MCTP2: variants seen among roughly 807,000 people sequenced by gnomAD.
MCTP2 encodes the protein multiple C2 and transmembrane domain-containing protein 2.
A neutral mutation model predicts 111.6 loss-of-function variants in MCTP2; 132 were observed. The observed-to-expected ratio is 1.18, with a 90% CI of 1.03 to 1.37. The LOEUF is 1.37. MCTP2 is among the 40% of genes most tolerant of loss of function. MCTP2 has a pLI of 0.00. For synonymous variants in MCTP2, 395 were observed against 387.7 expected (o/e 1.02, Z -0.22); for missense variants, 1,183 against 1,067.9 (o/e 1.11, Z -1.50).
At chr15:94,297,239 T>A (rs1006464468) in intron 1 of MCTP2, among the ~76,000 whole-genome samples, 2 of 152,210 alleles carry the variant, frequency 1.3e-5, no homozygotes, top group Admixed American at 1.3e-4. Flanking sequence ...CGTGATGAGT[T>A]CAACCTGTTA....
chr15:94,303,695 G>A (rs1232016278), intron 2 of MCTP2, among the ~76,000 whole-genome samples: 1 of 152,190 alleles, frequency 6.6e-6, no homozygotes, highest in South Asian at 2.1e-4. Context: ...AATTATGGGA[G>A]CTACAAGATG....
Position 94,275,875 on chromosome 15 carries a change from T to A in MCTP2, c.-65-22326T>A, listed in dbSNP as rs139416114. On this transcript the variant is annotated intron_variant, in intron 1 of 22. Coordinates refer to ENST00000357742, the MANE Select transcript of MCTP2 (RefSeq NM_001385001.1). ...TTTTTTTTTTTTTTGAGAGATGGAG[T>A]CTCGCTCTGTTTCCCAGGCTGGAGT... Among the ~76,000 whole-genome samples the A allele has an allele frequency of 6.8e-3, 960 of 141,924 alleles. 12 individuals carry two copies. The highest frequency in any genetic ancestry group is 0.024 in the African/African-American group (904 of 37,228). The allele number at this position is 141,924 out of a possible 152,430, so 93.1% of individuals were successfully genotyped here.
At position 94,340,699 on chromosome 15, in the gene MCTP2, C is replaced by T. The variant is rs997787219; in HGVS notation, c.858-114C>T. ...ACTAAATTTTGTGCTTTCTTAACAT[C>T]ATGTCTAATCCTTATTCAGAGGTAG... On this transcript the variant is annotated intron_variant, in intron 6 of 22. Transcript: ENST00000357742. The T allele has an allele frequency of 8.3e-6, 5 of 605,948 alleles. 1 individual carries two copies. The Admixed American group carries it at 9.8e-5, about 12-fold the overall frequency. The allele number at this position is 605,948 out of a possible 1,614,324, so 37.5% of individuals were successfully genotyped here.
At chr15:94,419,212 T>C (rs2082510851) in intron 17 of MCTP2, among the ~76,000 whole-genome samples, 1 of 152,144 alleles carries the variant, frequency 6.6e-6, no homozygotes, top group Non-Finnish European at 1.5e-5. Flanking sequence ...AAATGTGTCT[T>C]TAAGAGCCAG....
chr15:94,460,731 G>A (rs547291554), intron 20 of MCTP2, among the ~76,000 whole-genome samples: 4 of 152,196 alleles, frequency 2.6e-5, no homozygotes, highest in Admixed American at 1.3e-4. Context: ...GCACAGCTGT[G>A]GTGGCCATGT....
At chr15:94,465,554 G>A (rs2073200974) in intron 20 of MCTP2, among the ~76,000 whole-genome samples, 2 of 152,134 alleles carry the variant, frequency 1.3e-5, no homozygotes, top group African/African-American at 2.4e-5. Flanking sequence ...AAGCCAAACT[G>A]CAGATAAGGG....
rs1433486427 is a variant in MCTP2, at chr15:94,482,562, C to T, written c.*3528C>T. On this transcript the variant is annotated 3_prime_UTR_variant, in exon 23 of 23. Transcript: ENST00000357742. ...CAGGAGTCCAGTTTTAGCGCTGAATCTCAGGTGACTGAAAAGCATCCAAAT... is the reference window on the plus strand; with the variant it reads ...CAGGAGTCCAGTTTTAGCGCTGAATTTCAGGTGACTGAAAAGCATCCAAAT... 6.6e-6 allele frequency: 1 copy of T among 152,154 alleles called. No homozygotes were observed. Among genetic ancestry groups the T allele is most frequent in the Non-Finnish European group, 1.5e-5 (1 of 68,044 alleles). 9.4% of individuals were successfully genotyped at this position (152,154 alleles called of 1,614,324 possible).
chr15:94,333,147 A>G (rs1217022274), intron 4 of MCTP2, among the ~76,000 whole-genome samples: 1 of 152,146 alleles, frequency 6.6e-6, no homozygotes, highest in Non-Finnish European at 1.5e-5. Flanking sequence ...AGGCAGGAGA[A>G]TTGCTTGAAC....
At chr15:94,336,966 G>C (rs1276006112) in intron 4 of MCTP2, among the ~76,000 whole-genome samples, 1 of 151,998 alleles carries the variant, frequency 6.6e-6, no homozygotes, top group Non-Finnish European at 1.5e-5. Context: ...TACTACAAGA[G>C]CCTCATTGTT....
intron 17 of MCTP2, among the ~76,000 whole-genome samples, chr15:94,406,840 G>C (rs1462673388): frequency 4.7e-5 from 7 of 149,918 alleles, no homozygotes; most frequent in Non-Finnish European, 1.0e-4. Context: ...ATCATGGAAG[G>C]CATTGGACTT....
chr15:94,379,608 T>G (rs149881793), intron 12 of MCTP2, among the ~76,000 whole-genome samples: 1,630 of 151,640 alleles, frequency 0.011, 25 homozygotes, highest in African/African-American at 0.038. Context: ...GGTCATGGTC[T>G]TCAAGCCAAT....
Position 94,340,239 on chromosome 15 carries a change from C to T in MCTP2, c.821C>T (p.Ser274Phe). ...RDLTTSDFMG[S>F]AFVILSDLEL... ...TTAACCACATCTGATTTCATGGGTT[C>T]TGCATTTGTCATTCTCAGTGATCTT... The change falls in exon 6 of 23, where the codon TCT (serine) becomes TTT (phenylalanine). Residue 274 changes from serine (S) to phenylalanine (F), a missense_variant. Physicochemically the swap from Ser to Phe is radical, Grantham distance 155 (BLOSUM62 -2). Coordinates refer to ENST00000357742, the MANE Select transcript of MCTP2 (RefSeq NM_001385001.1). 1.9e-6 allele frequency: 3 copies of T among 1,613,150 alleles called. No homozygotes were observed. The highest frequency in any genetic ancestry group is 2.5e-6 in the Non-Finnish European group (3 of 1,179,326).
chr15:94,398,453 A>G (rs893850227), intron 14 of MCTP2, among the ~76,000 whole-genome samples: 4 of 152,190 alleles, frequency 2.6e-5, no homozygotes, highest in African/African-American at 9.7e-5. Flanking sequence ...AAGAACTAAC[A>G]TTGTTACCTT....
intron 8 of MCTP2, among the ~76,000 whole-genome samples, chr15:94,348,969 C>T (rs776655889): frequency 6.6e-6 from 1 of 152,030 alleles, no homozygotes; most frequent in Admixed American, 6.5e-5. Context: ...GTACACCTAC[C>T]TCTATCTGCT....
At chr15:94,328,975 T>C (rs1004597078) in intron 4 of MCTP2, among the ~76,000 whole-genome samples, 6 of 152,162 alleles carry the variant, frequency 3.9e-5, no homozygotes, top group Admixed American at 3.9e-4. Flanking sequence ...CATGTCTTCC[T>C]CATGACATGG....
intron 2 of MCTP2, among the ~76,000 whole-genome samples, chr15:94,305,626 C>T (rs185484291): frequency 4.1e-4 from 62 of 152,202 alleles, no homozygotes; most frequent in Middle Eastern, 3.4e-3. Flanking sequence ...CTTCTTCTCC[C>T]GGCCTTTCTG....
intron 19 of MCTP2, among the ~76,000 whole-genome samples, chr15:94,457,691 C>G (rs544055696): frequency 1.3e-5 from 2 of 152,086 alleles, no homozygotes; most frequent in African/African-American, 4.8e-5. Context: ...CTAAGATGCT[C>G]CAGTACTAGG....
chr15:94,345,049 A>C, intron 7 of MCTP2, 80 bp from the exon 8 acceptor site: 2 of 1,496,126 alleles, frequency 1.3e-6, no homozygotes, highest in Non-Finnish European at 1.8e-6. Context: ...ATCTAACATA[A>C]TATAATTACA....
chr15:94,392,073 CAAT>C (rs1336064042), intron 14 of MCTP2, among the ~76,000 whole-genome samples: 2 of 152,128 alleles, frequency 1.3e-5, no homozygotes, highest in East Asian at 3.9e-4. Flanking sequence ...ATTGAATTAA[CAAT>C]AAGGTTATTA....
Sources: allele counts gnomAD v4.1 joint callset (sites outside exome capture counted in the v4.1 genomes callset), GRCh38; gene constraint gnomAD v4.1.1; transcripts MANE v1.5; gene names NCBI Gene and HGNC (gene_info 2026-07-23, HGNC 2026-07-21).